Variants in FUT8 observed in about 807,000 individuals in gnomAD.
The protein encoded by FUT8 is fucosyltransferase 8, also known as alpha-(1,6)-fucosyltransferase.
In FUT8, 29 loss-of-function variants were observed where a neutral mutation model predicts 71.3. The observed-to-expected ratio is 0.41, with a 90% CI of 0.30 to 0.55. FUT8 has a LOEUF of 0.55. FUT8 is among the 20% of genes least tolerant of loss of function. The pLI, the probability that FUT8 is intolerant of heterozygous loss-of-function variation, is 0.34. For missense variants in FUT8, 544 were observed against 702.1 expected (o/e 0.77, Z 2.55); for synonymous variants, 254 against 239.3 (o/e 1.06, Z -0.57).
chr14:65,412,504 G>C (rs1031188911), upstream of FUT8: 1 of 360,676 alleles, frequency 2.8e-6, no homozygotes, highest in Non-Finnish European at 5.5e-6. Flanking sequence ...GCCTGTGTGC[G>C]AGCCGGAGCC....
chr14:65,403,447 C>G, the FUT8 span, among the ~76,000 whole-genome samples: 3 of 152,308 alleles, frequency 2.0e-5, no homozygotes, highest in East Asian at 5.8e-4. Flanking sequence ...TTTCTCAATC[C>G]TGTTGGCAGT....
intron 1 of FUT8, among the ~76,000 whole-genome samples, chr14:65,445,308 G>C (rs1375740505): frequency 6.6e-6 from 1 of 152,218 alleles, no homozygotes; most frequent in East Asian, 1.9e-4. Context: ...CACCATGAGT[G>C]TTTACAGCCA....
intron 2 of FUT8, among the ~76,000 whole-genome samples, chr14:65,519,595 T>C (rs1181154821): frequency 6.6e-6 from 1 of 152,190 alleles, no homozygotes; most frequent in African/African-American, 2.4e-5. Context: ...AAAATGTTTC[T>C]GGATAAATTT....
chr14:65,357,022 C>T, the FUT8 span, among the ~76,000 whole-genome samples: 1 of 152,184 alleles, frequency 6.6e-6, no homozygotes, highest in Non-Finnish European at 1.5e-5. Context: ...GCTTCTGGGT[C>T]TCATCTGGAT....
At chr14:65,697,192 G>T (rs1455096908) in intron 7 of FUT8, among the ~76,000 whole-genome samples, 1 of 152,158 alleles carries the variant, frequency 6.6e-6, no homozygotes, top group African/African-American at 2.4e-5. Flanking sequence ...TGTTTATCTG[G>T]CTAGGAGTTG....
chr14:65,548,927 CT>C (rs931971436), intron 2 of FUT8, among the ~76,000 whole-genome samples: 11 of 152,120 alleles, frequency 7.2e-5, no homozygotes, highest in Admixed American at 7.2e-4. Flanking sequence ...TCAAAAGATA[CT>C]TTACCAGAGA....
chr14:65,530,747 A>C (rs550512011), intron 2 of FUT8, among the ~76,000 whole-genome samples: 2 of 151,118 alleles, frequency 1.3e-5, no homozygotes, highest in East Asian at 2.0e-4. Context: ...TTAATGCCCT[A>C]CTGAAGATCA....
At chr14:65,376,885 A>T in the FUT8 span, among the ~76,000 whole-genome samples, 2 of 152,204 alleles carry the variant, frequency 1.3e-5, no homozygotes, top group African/African-American at 2.4e-5. Flanking sequence ...GTGAGTTCCT[A>T]TGAAGAGTTT....
chr14:65,705,272 A>G (rs1393728048), intron 7 of FUT8, among the ~76,000 whole-genome samples: 1 of 152,224 alleles, frequency 6.6e-6, no homozygotes, highest in African/African-American at 2.4e-5. Flanking sequence ...AAAGTAGCCT[A>G]GATGTTCACT....
At chr14:65,600,036 C>A (rs1034298012) in intron 3 of FUT8, among the ~76,000 whole-genome samples, 1 of 151,940 alleles carries the variant, frequency 6.6e-6, no homozygotes, top group African/African-American at 2.4e-5. Context: ...TTCAGAAAAC[C>A]GATAGATTTT....
At chr14:65,577,294 A>G (rs568054834) in intron 3 of FUT8, among the ~76,000 whole-genome samples, 1 of 152,212 alleles carries the variant, frequency 6.6e-6, no homozygotes, top group African/African-American at 2.4e-5. Context: ...GGTGGAGGAG[A>G]TCTGATCGGT....
chr14:65,615,531 T>C (rs989880466), intron 3 of FUT8, among the ~76,000 whole-genome samples: 2 of 152,266 alleles, frequency 1.3e-5, no homozygotes, highest in African/African-American at 4.8e-5. Flanking sequence ...TTATAATTAA[T>C]TTAGAAATAC....
At chr14:65,528,408 A>G (rs1883670426) in intron 2 of FUT8, among the ~76,000 whole-genome samples, 2 of 152,194 alleles carry the variant, frequency 1.3e-5, no homozygotes, top group Admixed American at 6.5e-5. Context: ...AAAGTGCAGT[A>G]TCAGGGTGGG....
rs997326904 is a variant in FUT8 at position 65,616,014 on chromosome 14, A to G, written c.240A>G (p.Ile80Met). The change falls in exon 4 of 11, where the codon ATA becomes ATG. Residue 80 changes from isoleucine (I) to methionine (M), a missense_variant. Ile to Met is a conservative substitution (Grantham distance 10). Coordinates refer to ENST00000673929, the MANE Select transcript of FUT8 (RefSeq NM_001371533.1). ...PEGPIDQGPAIGRVRVLEEQL... is the reference protein window; with the variant it reads ...PEGPIDQGPAMGRVRVLEEQL... The stretch of plus-strand genomic sequence containing the variant: ...GCCCTATTGATCAGGGGCCAGCTAT[A>G]GGAAGAGTACGCGTTTTAGAAGAGC... 7 of 1,614,000 alleles carry G rather than the reference A, an allele frequency of 4.3e-6. No individual in the cohort carries two copies. Among genetic ancestry groups the G allele is most frequent in the Non-Finnish European group, 5.9e-6 (7 of 1,179,902 alleles).
chr14:65,445,590 A>G (rs1172762271), intron 1 of FUT8, among the ~76,000 whole-genome samples: 1 of 152,206 alleles, frequency 6.6e-6, no homozygotes, highest in African/African-American at 2.4e-5. Context: ...TTCCTCCCAA[A>G]AGTCTGTTTT....
Position 65,678,717 on chromosome 14 carries a change from C to T in FUT8, c.835+9237C>T, listed in dbSNP as rs749031485. ...AACATACCCCAGGTAGGAATTTCCA[C>T]GTAAATTTTACCTAAAAGTAGAAAG... On this transcript the variant is annotated intron_variant, in intron 7 of 10. Coordinates refer to ENST00000673929, the MANE Select transcript of FUT8 (RefSeq NM_001371533.1). Among the ~76,000 whole-genome samples, 4 of 152,170 alleles carry T rather than the reference C, an allele frequency of 2.6e-5. 1 individual carries two copies. The highest frequency in any genetic ancestry group is 4.8e-5 in the African/African-American group (2 of 41,530).
intron 9 of FUT8, among the ~76,000 whole-genome samples, chr14:65,729,993 C>T (rs1159065600): frequency 6.6e-6 from 1 of 151,408 alleles, no homozygotes; most frequent in Non-Finnish European, 1.5e-5. Context: ...TACTCTTTTA[C>T]TGAAATGTTT....
Position 65,613,046 on chromosome 14 carries a change from GT to G in FUT8, c.204-2922del, listed in dbSNP as rs140875409. 3.0e-4 allele frequency among the ~76,000 whole-genome samples: 44 copies of G among 147,768 alleles called. No homozygotes were observed. The East Asian group carries it at 3.9e-3, about 13-fold the overall frequency. ...ATTTTTCCAGTAATTTTCTTTTCCA[GT>G]TTTTTTTTTCACAGTTGGATTAGAT... On this transcript the variant is annotated intron_variant, in intron 3 of 10. Transcript: ENST00000673929.
rs753621286 is a variant in FUT8 at position 65,721,887 on chromosome 14, T to C, written c.948T>C (p.Leu316=). 44 of 1,614,070 alleles carry C rather than the reference T, an allele frequency of 2.7e-5. No homozygotes were observed. The highest frequency in any genetic ancestry group is 3.6e-5 in the Non-Finnish European group (42 of 1,180,034). ...LAVPEDLADR[L]VRVHGDPAVW... ...TACCAGAAGACCTCGCAGATCGACT[T>C]GTACGAGTGCATGGTGACCCTGCAG... The change falls in exon 8 of 11, where the codon CTT becomes CTC. Residue 316 remains leucine, a synonymous_variant. Coordinates refer to ENST00000673929, the MANE Select transcript of FUT8 (RefSeq NM_001371533.1).
Sources: gnomAD v4.1 joint callset for allele counts (sites outside exome capture counted in the v4.1 genomes callset) on GRCh38, gnomAD v4.1.1 for gene constraint, MANE v1.5 for transcripts, NCBI Gene and HGNC (gene_info 2026-07-23, HGNC 2026-07-21) for gene names.